RGS7: variants seen among roughly 807,000 people sequenced by gnomAD.
RGS7 encodes regulator of G-protein signaling 7.
In RGS7, 27 loss-of-function variants were observed where a neutral mutation model predicts 81.1. That is an observed-to-expected ratio of 0.33 (90% CI 0.25 to 0.46). The LOEUF is 0.46. RGS7 is among the 20% of genes least tolerant of loss of function. RGS7 has a pLI of 1.00. For synonymous variants in RGS7, 208 were observed against 207.7 expected, an observed-to-expected ratio of 1.00 and a Z score of -0.01; for missense variants, 396 against 607.4, an observed-to-expected ratio of 0.65 and a Z score of 3.66.
At chr1:240,806,919 C>T (rs2103074243) in intron 14 of RGS7, among the ~76,000 whole-genome samples, 1 of 152,136 alleles carries the variant, frequency 6.6e-6, no homozygotes, top group East Asian at 1.9e-4. Flanking sequence ...AGAAAATGCT[C>T]TGGCTGGAAA....
chr1:241,355,270 T>C (rs910300070), intron 2 of RGS7, among the ~76,000 whole-genome samples: 7 of 152,234 alleles, frequency 4.6e-5, no homozygotes, highest in Non-Finnish European at 7.3e-5. Context: ...ACACAGTCTC[T>C]CTTGCCACAA....
intron 9 of RGS7, among the ~76,000 whole-genome samples, chr1:240,847,661 A>C (rs1259380674): frequency 2.0e-5 from 3 of 152,238 alleles, no homozygotes; most frequent in Non-Finnish European, 4.4e-5. Flanking sequence ...AGATTAAAGA[A>C]ATAACATAAA....
intron 2 of RGS7, among the ~76,000 whole-genome samples, chr1:241,114,595 C>T (rs539294118): frequency 8.5e-5 from 13 of 152,214 alleles, no homozygotes; most frequent in Admixed American, 1.3e-4. Context: ...AGTCTCCTTC[C>T]AGTTCTAATA....
At chr1:241,147,780 T>TTTTTTATATATA (rs1428939736) in intron 2 of RGS7, among the ~76,000 whole-genome samples, 20 of 44,646 alleles carry the variant, frequency 4.5e-4, no homozygotes, top group Non-Finnish European at 5.9e-4. Context: ...AGATTAAGTT[T>TTTTTTATATATA]TATATATATA....
At chr1:240,848,767 A>G (rs1022981458) in intron 9 of RGS7, among the ~76,000 whole-genome samples, 47 of 152,164 alleles carry the variant, frequency 3.1e-4, no homozygotes, top group African/African-American at 1.1e-3. Flanking sequence ...AAAAAACTCA[A>G]TTCTCCCAAG....
chr1:241,234,355 T>C (rs2815852), intron 2 of RGS7, among the ~76,000 whole-genome samples: 106,489 of 151,984 alleles, frequency 0.7, 37,458 homozygotes, highest in Middle Eastern at 0.79. Context: ...ACCATATTTC[T>C]GGCCCCGCTT....
chr1:241,196,013 A>C (rs1016051923), intron 2 of RGS7, among the ~76,000 whole-genome samples: 1 of 152,160 alleles, frequency 6.6e-6, no homozygotes, highest in Non-Finnish European at 1.5e-5. Context: ...AGAAGAAAGA[A>C]TACAAAGAAA....
intron 18 of RGS7, among the ~76,000 whole-genome samples, chr1:240,787,719 A>G (rs1414499744): frequency 6.6e-6 from 1 of 152,238 alleles, no homozygotes; most frequent in Non-Finnish European, 1.5e-5. Flanking sequence ...ATAACTCACA[A>G]GATAAATTTA....
At chr1:240,932,914 C>T (rs865821688) in intron 5 of RGS7, among the ~76,000 whole-genome samples, 34 of 114,912 alleles carry the variant, frequency 3.0e-4, no homozygotes, top group African/African-American at 7.9e-4. Context: ...GACAGAGTCT[C>T]GCTCTGTCGC....
intron 10 of RGS7, among the ~76,000 whole-genome samples, chr1:240,821,351 C>T (rs1241494535): frequency 6.6e-6 from 1 of 152,134 alleles, no homozygotes; most frequent in Admixed American, 6.5e-5. Context: ...ACTTGGGAGG[C>T]TGAGACAGGA....
At chr1:241,296,089 G>A (rs2079406133) in intron 2 of RGS7, among the ~76,000 whole-genome samples, 1 of 152,196 alleles carries the variant, frequency 6.6e-6, no homozygotes, top group East Asian at 1.9e-4. Flanking sequence ...GCCTGGGCTG[G>A]TGGTGTGGAT....
intron 2 of RGS7, among the ~76,000 whole-genome samples, chr1:241,241,452 C>T (rs772312114): frequency 2.0e-5 from 3 of 152,086 alleles, no homozygotes; most frequent in Non-Finnish European, 2.9e-5. Context: ...TGCTGTTTTC[C>T]GTTTCATCTC....
Position 240,936,725 on chromosome 1 carries a change from CAAAG to C in RGS7, c.227-23_227-20del. The C allele has an allele frequency of 2.5e-6, 4 of 1,576,432 alleles. No homozygotes were observed. The highest frequency in any genetic ancestry group is 3.5e-6 in the Non-Finnish European group (4 of 1,145,826). ...GCCTCCACTGTTTTATGAAAACAAA[CAAAG>C]AACATAAAAAAGCCTTTTAAATGTA... On this transcript the variant is annotated intron_variant, in intron 4 of 18. Transcript: ENST00000440928.
chr1:241,207,348 C>CATATATATATATATATATAT (rs540737449), intron 2 of RGS7, among the ~76,000 whole-genome samples: 3,103 of 143,490 alleles, frequency 0.022, 62 homozygotes, highest in Middle Eastern at 0.065. Flanking sequence ...CTTTAAAATG[C>CATATATATATATATATATAT]ATATATATAT....
intron 2 of RGS7, among the ~76,000 whole-genome samples, chr1:241,253,808 G>A (rs958724153): frequency 6.6e-6 from 1 of 152,070 alleles, no homozygotes; most frequent in African/African-American, 2.4e-5. Context: ...GGAAGTAGAG[G>A]AGGCTCTTCT....
At position 241,323,244 on chromosome 1, in the gene RGS7, T is replaced by G. The variant is rs554813342; in HGVS notation, c.78+32455A>C. Among the ~76,000 whole-genome samples the G allele has an allele frequency of 2.0e-5, 3 of 152,378 alleles. No homozygotes were observed. In the South Asian group the frequency reaches 6.2e-4, roughly 32 times the overall value. On this transcript the variant is annotated intron_variant, in intron 2 of 18. Coordinates refer to ENST00000440928, the MANE Select transcript of RGS7 (RefSeq NM_001364886.1). ...TTGTGGCTATAAGTGCCAATGAATA[T>G]ATCAAGTTCTAAATAATATGCAATG...
chr1:241,052,878 G>T (rs2061323657), intron 3 of RGS7, among the ~76,000 whole-genome samples: 1 of 151,788 alleles, frequency 6.6e-6, no homozygotes, highest in African/African-American at 2.4e-5. Flanking sequence ...GCCCAATCAT[G>T]TCATCCGTGT....
chr1:240,964,656 G>A (rs1435956920), intron 4 of RGS7, among the ~76,000 whole-genome samples: 3 of 152,168 alleles, frequency 2.0e-5, no homozygotes, highest in Admixed American at 1.3e-4. Context: ...GACATTTTGT[G>A]TGTGCATTAA....
chr1:240,833,017 TTATAA>T (rs1694106416), intron 9 of RGS7, among the ~76,000 whole-genome samples: 1 of 152,118 alleles, frequency 6.6e-6, no homozygotes, highest in Admixed American at 6.5e-5. Flanking sequence ...AAAGTTTAAC[TTATAA>T]ATTAGGAACA....
Sources: allele counts gnomAD v4.1 joint callset (sites outside exome capture counted in the v4.1 genomes callset), GRCh38; gene constraint gnomAD v4.1.1; transcripts MANE v1.5; gene names NCBI Gene and HGNC (gene_info 2026-07-23, HGNC 2026-07-21).